Variants in ASB13 observed in about 807,000 individuals in gnomAD.
ASB13 encodes ankyrin repeat and SOCS box containing 13.
Under a neutral mutation model 28.8 loss-of-function variants are expected in ASB13, and 33 were observed. That is an observed-to-expected ratio of 1.15 (90% CI 0.87 to 1.53). The LOEUF (loss-of-function observed/expected upper bound fraction) is 1.53. Ranked by LOEUF, ASB13 falls within the 40% of genes most tolerant of loss-of-function variation. The pLI, the probability that ASB13 is intolerant of heterozygous loss-of-function variation, is 0.00. For missense variants in ASB13, 414 were observed against 390.1 expected, an observed-to-expected ratio of 1.06 and a Z score of -0.52; for synonymous variants, 182 against 172.9, an observed-to-expected ratio of 1.05 and a Z score of -0.41.
At position 5,642,024 on chromosome 10, in the gene ASB13, C is replaced by G. The variant is rs1834816128; in HGVS notation, c.518-63G>C. ...GAGAACTTGAAGTCAGGGGGACAAT[C>G]AGGTCCGTTTCGTCACACAGCACGG... On this transcript the variant is annotated intron_variant, in intron 4 of 5. Coordinates refer to ENST00000357700, the MANE Select transcript of ASB13 (RefSeq NM_024701.4). The surrounding 1 kb of genome is among the most constrained non-coding windows in gnomAD (Gnocchi z 4.1). 1 of 1,528,162 alleles carries G rather than the reference C, an allele frequency of 6.5e-7. No individual in the cohort carries two copies. Among genetic ancestry groups the G allele is most frequent in the Non-Finnish European group, 9.0e-7 (1 of 1,116,964 alleles). 94.7% of individuals were successfully genotyped at this position (1,528,162 alleles called of 1,614,324 possible).
In ASB13 at chr10:5,644,068, T is replaced by C. The variant is rs1015112417; in HGVS notation, c.518-2107A>G. On this transcript the variant is annotated intron_variant, in intron 4 of 5. Transcript: ENST00000357700. This position sits in a 1 kb window ranked among gnomAD's most constrained non-coding sequence, Gnocchi z 5.1. The stretch of plus-strand genomic sequence containing the variant: ...AAGGTGAATAAGGAAGGAAATGAAA[T>C]TGTGAATAAGGGATTGAAGGGAAAC... Among the ~76,000 whole-genome samples, 1 of 151,746 alleles carries C rather than the reference T, an allele frequency of 6.6e-6. No individual in the cohort carries two copies. The highest frequency in any genetic ancestry group is 2.4e-5 in the African/African-American group (1 of 41,282).
chr10:5,651,433 C>T lies in ASB13; in HGVS notation c.232-70G>A. 6.9e-7 allele frequency: 1 copy of T among 1,454,804 alleles called. No individual in the cohort carries two copies. The highest frequency in any genetic ancestry group is 1.4e-5 in the South Asian group (1 of 72,208). 90.1% of individuals were successfully genotyped at this position (1,454,804 alleles called of 1,614,324 possible). A position where few individuals can be genotyped will look rare whatever the true frequency, so the allele number is the denominator to read the frequency against. On this transcript the variant is annotated intron_variant, in intron 2 of 5. Coordinates refer to ENST00000357700, the MANE Select transcript of ASB13 (RefSeq NM_024701.4). The surrounding 1 kb of genome is among the most constrained non-coding windows in gnomAD (Gnocchi z 5.1). The stretch of plus-strand genomic sequence containing the variant: ...CGCAACCCACTTTCCCATCCTGCTG[C>T]AGGTTCATCTTTGCTAAGATGCTTC...
intron 4 of ASB13, among the ~76,000 whole-genome samples, chr10:5,646,287 C>T (rs988455632): frequency 9.2e-5 from 14 of 152,172 alleles, no homozygotes; most frequent in African/African-American, 2.4e-4. Flanking sequence ...GCGTGGGTCC[C>T]GCCTAGTCCA....
rs933034896 is a variant in ASB13 at position 5,664,042 on chromosome 10, T to C, written c.43+2467A>G. Reference sequence around the variant, plus strand: ...AGTAGAAAACAAACAGGCTGGGGAGTGATTTCCAGACCATCGGGGGAGCTG... The same window carrying C: ...AGTAGAAAACAAACAGGCTGGGGAGCGATTTCCAGACCATCGGGGGAGCTG... On this transcript the variant is annotated intron_variant, in intron 1 of 5. Coordinates refer to ENST00000357700, the MANE Select transcript of ASB13 (RefSeq NM_024701.4). The surrounding 1 kb of genome is among the most constrained non-coding windows in gnomAD (Gnocchi z 4.2). 6.6e-6 allele frequency among the ~76,000 whole-genome samples: 1 copy of C among 151,514 alleles called. No homozygotes were observed. The highest frequency in any genetic ancestry group is 6.6e-5 in the Admixed American group (1 of 15,196).
chr10:5,646,086 G>A (rs1834882647), intron 4 of ASB13, among the ~76,000 whole-genome samples: 1 of 152,146 alleles, frequency 6.6e-6, no homozygotes, highest in Non-Finnish European at 1.5e-5. Flanking sequence ...ACTGTGCGGA[G>A]GCTTCCCCAA....
At chr10:5,654,538 A>C (rs1222246933) in intron 1 of ASB13, among the ~76,000 whole-genome samples, 2 of 152,232 alleles carry the variant, frequency 1.3e-5, no homozygotes, top group African/African-American at 2.4e-5. Context: ...TACAGACCGT[A>C]AACTCCCCAG....
In ASB13 at chr10:5,651,486, A is replaced by G. The variant is rs955681002; in HGVS notation, c.232-123T>C. 8.7e-7 allele frequency: 1 copy of G among 1,152,372 alleles called. No homozygotes were observed. The highest frequency in any genetic ancestry group is 1.6e-5 in the South Asian group (1 of 62,584). 71.4% of individuals were successfully genotyped at this position (1,152,372 alleles called of 1,614,324 possible). A position where few individuals can be genotyped will look rare whatever the true frequency, so the allele number is the denominator to read the frequency against. ...AGAAGCACCGGTTTGCTTTGCTATT[A>G]TGTGCTAGGCAACGACACTGAAAGA... On this transcript the variant is annotated intron_variant, in intron 2 of 5. Transcript: ENST00000357700. This position sits in a 1 kb window ranked among gnomAD's most constrained non-coding sequence, Gnocchi z 5.1.
In ASB13 at chr10:5,651,233, A is replaced by AG. The variant is rs1834978262; in HGVS notation, c.361dup (p.Leu121ProfsTer18). The AG allele has an allele frequency of 6.2e-7, 1 of 1,611,912 alleles. No individual in the cohort carries two copies. Among genetic ancestry groups the AG allele is most frequent in the Non-Finnish European group, 8.5e-7 (1 of 1,178,874 alleles). On this transcript the variant is annotated frameshift_variant, in exon 3 of 6. Coordinates refer to ENST00000357700, the MANE Select transcript of ASB13 (RefSeq NM_024701.4). LOFTEE classifies it high-confidence loss of function. The surrounding 1 kb of genome is among the most constrained non-coding windows in gnomAD (Gnocchi z 5.1). ...CTCACCGCTCATGCAGGCCTCGTGC[A>AG]GGGGGGACGCTGTGTACAGGGGAGG...
intron 4 of ASB13, among the ~76,000 whole-genome samples, chr10:5,648,613 CGGGGG>C (rs1834929818): frequency 6.6e-6 from 1 of 151,154 alleles, no homozygotes; most frequent in African/African-American, 2.4e-5. Context: ...TAAACACCCA[CGGGGG>C]TAAACAACCA....
Position 5,656,148 on chromosome 10 carries a change from C to T in ASB13, c.44-3098G>A, listed in dbSNP as rs2131453757. 6.6e-6 allele frequency among the ~76,000 whole-genome samples: 1 copy of T among 152,256 alleles called. No homozygotes were observed. The highest frequency in any genetic ancestry group is 2.4e-5 in the African/African-American group (1 of 41,564). On this transcript the variant is annotated intron_variant, in intron 1 of 5. Coordinates refer to ENST00000357700, the MANE Select transcript of ASB13 (RefSeq NM_024701.4). This position sits in a 1 kb window ranked among gnomAD's most constrained non-coding sequence, Gnocchi z 4.3. ...CAGGCACCGCTTATTCACCTCTGTA[C>T]CCCAGAACCTGGCACTGTCCAAGAA...
rs1489154114 is a variant in ASB13, at chr10:5,638,908, G to T, written c.*1795C>A. 7 of 152,384 alleles carry T rather than the reference G, an allele frequency of 4.6e-5. No individual in the cohort carries two copies. The highest frequency in any genetic ancestry group is 1.7e-4 in the African/African-American group (7 of 41,574). 9.4% of individuals were successfully genotyped at this position (152,384 alleles called of 1,614,324 possible). A position where few individuals can be genotyped will look rare whatever the true frequency, so the allele number is the denominator to read the frequency against. On this transcript the variant is annotated 3_prime_UTR_variant, in exon 6 of 6. Coordinates refer to ENST00000357700, the MANE Select transcript of ASB13 (RefSeq NM_024701.4). ...ACTTTTATTGAGCAACAGCCGTGGG[G>T]ACCTGATTCTGCGCTAAGTGCTCTA...
At position 5,655,911 on chromosome 10, in the gene ASB13, G is replaced by A. The variant is rs78583111; in HGVS notation, c.44-2861C>T. 0.018 allele frequency among the ~76,000 whole-genome samples: 2,679 copies of A among 152,308 alleles called. 74 individuals carry two copies. The highest frequency in any genetic ancestry group is 0.084 in the Admixed American group (1,287 of 15,294). ...GCCTCCATTCACAAGACGTCCAGGT[G>A]GATTTAGCGTCTTCCGCTGCCACAC... On this transcript the variant is annotated intron_variant, in intron 1 of 5. Transcript: ENST00000357700. The surrounding 1 kb of genome is among the most constrained non-coding windows in gnomAD (Gnocchi z 6.2).
Position 5,660,559 on chromosome 10 carries a change from C to A in ASB13, c.43+5950G>T, listed in dbSNP as rs889478844. On this transcript the variant is annotated intron_variant, in intron 1 of 5. Transcript: ENST00000357700. The surrounding 1 kb of genome is among the most constrained non-coding windows in gnomAD (Gnocchi z 6.1). ...AAGCTCGTCTCACAGCTTACCCTCT[C>A]CAAACCTCGGCCTCCTCTCTCCTCA... is the stretch of plus-strand genomic sequence containing the variant. Among the ~76,000 whole-genome samples the A allele has an allele frequency of 5.2e-4, 79 of 152,202 alleles. No individual in the cohort carries two copies. Among genetic ancestry groups the A allele is most frequent in the African/African-American group, 1.9e-3 (78 of 41,438 alleles).
rs1401695785 is a variant in ASB13, at chr10:5,656,400, G to A, written c.44-3350C>T. On this transcript the variant is annotated intron_variant, in intron 1 of 5. Transcript: ENST00000357700. This position sits in a 1 kb window ranked among gnomAD's most constrained non-coding sequence, Gnocchi z 4.3. ...TAAAAATACAAAGAATTAGCCGGCC[G>A]TGGTGGCACGTGCCTGTAATCCCAG... Among the ~76,000 whole-genome samples, 10 of 152,152 alleles carry A rather than the reference G, an allele frequency of 6.6e-5. No individual in the cohort carries two copies. Among genetic ancestry groups the A allele is most frequent in the East Asian group, 1.9e-4 (1 of 5,188 alleles).
At chr10:5,640,929 T>C (rs541700464) in intron 5 of ASB13, 99 bp from the exon 6 acceptor site, 180 of 1,471,902 alleles carry the variant, frequency 1.2e-4, no homozygotes, top group Non-Finnish European at 1.6e-4. Context: ...AACGCCTCCC[T>C]TTCCCCTGGA....
Position 5,642,495 on chromosome 10 carries a change from G to A in ASB13, c.518-534C>T. The A allele has an allele frequency of 1.7e-6, 2 of 1,211,674 alleles. No individual in the cohort carries two copies. The highest frequency in any genetic ancestry group is 1.0e-6 in the Non-Finnish European group (1 of 959,424). The allele number at this position is 1,211,674 out of a possible 1,614,324, so 75.1% of individuals were successfully genotyped here. On this transcript the variant is annotated intron_variant, in intron 4 of 5. Transcript: ENST00000357700. This position sits in a 1 kb window ranked among gnomAD's most constrained non-coding sequence, Gnocchi z 4.1. ...TACCCAAAACAGTAGGCAATTCAGA[G>A]AAGAGAGTAAGCTCTGCACTCCTCA...
intron 1 of ASB13, among the ~76,000 whole-genome samples, chr10:5,654,818 T>C (rs1157473455): frequency 6.6e-6 from 1 of 152,220 alleles, no homozygotes; most frequent in Non-Finnish European, 1.5e-5. Context: ...GCATCTGGGC[T>C]AGGTGCGGTG....
At position 5,642,219 on chromosome 10, in the gene ASB13, A is replaced by G. The variant is rs1228923946; in HGVS notation, c.518-258T>C. Among the ~76,000 whole-genome samples the G allele has an allele frequency of 6.6e-6, 1 of 152,200 alleles. No homozygotes were observed. The highest frequency in any genetic ancestry group is 1.5e-5 in the Non-Finnish European group (1 of 68,042). ...AACTAGAAATAGAACCGAAAAGAAG[A>G]AAAATAAAACGAAAAATGTCCTGAG... On this transcript the variant is annotated intron_variant, in intron 4 of 5. Transcript: ENST00000357700. This position sits in a 1 kb window ranked among gnomAD's most constrained non-coding sequence, Gnocchi z 4.1.
At position 5,651,229 on chromosome 10, in the gene ASB13, G is replaced by T; in HGVS notation, c.366C>A (p.His122Gln). The change falls in exon 3 of 6, where the codon CAC becomes CAA. Residue 122 changes from histidine to glutamine, a missense_variant. Transcript: ENST00000357700. The surrounding 1 kb of genome is among the most constrained non-coding windows in gnomAD (Gnocchi z 5.1). The stretch of plus-strand genomic sequence containing the variant: ...CCAACTCACCGCTCATGCAGGCCTC[G>T]TGCAGGGGGGACGCTGTGTACAGGG... ...NPPLYTASPL[H>Q]EACMSGSSEC... is the part of the protein sequence containing the mutation. 1.2e-6 allele frequency: 2 copies of T among 1,611,922 alleles called. No homozygotes were observed. The highest frequency in any genetic ancestry group is 2.2e-5 in the South Asian group (2 of 90,824).
Sources: allele counts gnomAD v4.1 joint callset (sites outside exome capture counted in the v4.1 genomes callset), GRCh38; gene constraint gnomAD v4.1.1; non-coding constraint Gnocchi (gnomAD v3.1); transcripts MANE v1.5; gene names NCBI Gene and HGNC (gene_info 2026-07-23, HGNC 2026-07-21).